Variants in TMEM131 observed in about 807,000 individuals in gnomAD.
TMEM131 encodes transmembrane protein 131.
In TMEM131, 66 loss-of-function variants were observed where a neutral mutation model predicts 211.6. The ratio of observed to expected loss-of-function variants is 0.31; its 90% confidence interval spans 0.26 to 0.38. TMEM131 has a LOEUF of 0.38. TMEM131 is among the 10% of genes least tolerant of loss of function. The probability of loss-of-function intolerance (pLI) is 1.00; values close to 1 mark genes in which losing one functional copy is unlikely to be tolerated. For missense variants in TMEM131, 2,036 were observed against 2,299.3 expected, an observed-to-expected ratio of 0.89 and a Z score of 2.34; for synonymous variants, 844 against 841.3, an observed-to-expected ratio of 1.00 and a Z score of -0.06.
chr2:97,842,170 A>G (rs1475781700), intron 6 of TMEM131, among the ~76,000 whole-genome samples: 1 of 152,208 alleles, frequency 6.6e-6, no homozygotes, highest in African/African-American at 2.4e-5. Flanking sequence ...TAGAAATTGA[A>G]TAACAGTCCT....
At chr2:97,968,256 G>A (rs183845191) in intron 1 of TMEM131, among the ~76,000 whole-genome samples, 5 of 152,166 alleles carry the variant, frequency 3.3e-5, no homozygotes, top group Admixed American at 1.3e-4. Flanking sequence ...GATAAGAACC[G>A]AGGAGTGACT....
intron 1 of TMEM131, among the ~76,000 whole-genome samples, chr2:97,932,931 T>G (rs1048369660): frequency 6.6e-6 from 1 of 152,246 alleles, no homozygotes; most frequent in African/African-American, 2.4e-5. Context: ...TGATGGTGGC[T>G]CCATAAGATT....
At chr2:97,772,889 C>T (rs1370913464) in intron 32 of TMEM131, among the ~76,000 whole-genome samples, 2 of 152,128 alleles carry the variant, frequency 1.3e-5, no homozygotes, top group Admixed American at 6.6e-5. Flanking sequence ...GAGCGAGACG[C>T]CATCTCAAAA....
chr2:97,889,721 C>A (rs1196872912), intron 3 of TMEM131, among the ~76,000 whole-genome samples: 3 of 151,904 alleles, frequency 2.0e-5, no homozygotes, highest in Non-Finnish European at 4.4e-5. Context: ...CTGCAAATTA[C>A]AAATGGAAAT....
intron 5 of TMEM131, among the ~76,000 whole-genome samples, chr2:97,852,342 G>T (rs1673658719): frequency 6.6e-6 from 1 of 152,024 alleles, no homozygotes; most frequent in African/African-American, 2.4e-5. Context: ...ATTTTTAGTA[G>T]AGATGGGGTT....
chr2:97,766,661 G>A (rs1191566487), intron 33 of TMEM131, 59 bp from the exon 34 acceptor site: 2 of 1,586,992 alleles, frequency 1.3e-6, no homozygotes, highest in East Asian at 2.3e-5. Flanking sequence ...GAGGACAGAA[G>A]TCATTAAGAT....
rs1022122688 is a variant in TMEM131 at position 97,844,235 on chromosome 2, T to G, written c.510A>C (p.Ser170=). 1.5e-6 allele frequency: 2 copies of G among 1,326,406 alleles called. No individual in the cohort carries two copies. Among genetic ancestry groups the G allele is most frequent in the African/African-American group, 3.0e-5 (2 of 66,402 alleles). 82.2% of individuals were successfully genotyped at this position (1,326,406 alleles called of 1,614,324 possible). The change falls in exon 6 of 41, where the codon TCA becomes TCC. Residue 170 remains serine, a synonymous_variant. Coordinates refer to ENST00000186436, the MANE Select transcript of TMEM131 (RefSeq NM_015348.2). ...NRKILPGGNT[S]FDVVFLARVV... is the part of the protein sequence containing the mutation. ...CTCTTGCAAGAAAAACTACATCAAA[T>G]GATGTATTTCCTCCTGGAAGAATTT...
intron 3 of TMEM131, among the ~76,000 whole-genome samples, chr2:97,897,726 C>T (rs545907724): frequency 6.6e-6 from 1 of 152,188 alleles, no homozygotes; most frequent in East Asian, 1.9e-4. Context: ...GCAATAATCA[C>T]CTCATAAAAC....
intron 36 of TMEM131, 71 bp from the exon 37 acceptor site, chr2:97,760,985 G>A: frequency 6.3e-7 from 1 of 1,584,292 alleles, no homozygotes; most frequent in Admixed American, 1.7e-5. Flanking sequence ...TGTGGGGCTG[G>A]CAGGACTGAG....
chr2:97,915,196 T>A (rs1270522459), intron 2 of TMEM131, among the ~76,000 whole-genome samples: 2 of 152,258 alleles, frequency 1.3e-5, no homozygotes, highest in Non-Finnish European at 2.9e-5. Context: ...TTTATACTAT[T>A]GAGTTTCGAG....
At chr2:97,994,549 G>C (rs1484608410) in intron 1 of TMEM131, among the ~76,000 whole-genome samples, 1 of 151,962 alleles carries the variant, frequency 6.6e-6, no homozygotes, top group Admixed American at 6.6e-5. Context: ...TTGTTTTCTT[G>C]TACAGGCAGT....
chr2:97,955,672 A>G (rs1200904560), intron 1 of TMEM131, among the ~76,000 whole-genome samples: 1 of 152,190 alleles, frequency 6.6e-6, no homozygotes, highest in Non-Finnish European at 1.5e-5. Flanking sequence ...GGAAACCAAA[A>G]AGTTAAAAAC....
At chr2:97,827,216 G>A in intron 11 of TMEM131, 2 of 731,078 alleles carry the variant, frequency 2.7e-6, no homozygotes. Flanking sequence ...GCGGCCCGCA[G>A]GCACCTGGCA....
At chr2:97,766,640 C>G (rs1679182063) in intron 33 of TMEM131, 38 bp from the exon 34 acceptor site, 1 of 1,608,786 alleles carries the variant, frequency 6.2e-7, no homozygotes. Flanking sequence ...CAAATTTATT[C>G]CTCTGTTTTG....
At position 97,764,091 on chromosome 2, in the gene TMEM131, G is replaced by C. The variant is rs1249407071; in HGVS notation, c.4724-1891C>G. On this transcript the variant is annotated intron_variant, in intron 35 of 40. Coordinates refer to ENST00000186436, the MANE Select transcript of TMEM131 (RefSeq NM_015348.2). ...TTTTCTCTGCAACTCATGTGGTACA[G>C]ATGGTATAGGGCACCATGCTAAGGG... The C allele has an allele frequency of 1.3e-5, 2 of 152,244 alleles. 1 individual carries two copies. Among genetic ancestry groups the C allele is most frequent in the Middle Eastern group, 6.3e-3 (2 of 316 alleles). The allele number at this position is 152,244 out of a possible 1,614,324, so 9.4% of individuals were successfully genotyped here.
At chr2:97,916,940 C>G (rs1676532437) in intron 2 of TMEM131, among the ~76,000 whole-genome samples, 1 of 152,136 alleles carries the variant, frequency 6.6e-6, no homozygotes, top group African/African-American at 2.4e-5. Flanking sequence ...TATTTTTTCA[C>G]ATTTTTCAAA....
chr2:97,868,289 C>T (rs535785619), intron 4 of TMEM131, among the ~76,000 whole-genome samples: 36 of 152,064 alleles, frequency 2.4e-4, no homozygotes, highest in Middle Eastern at 6.8e-3. Flanking sequence ...TTATTTTTAA[C>T]TTGTCTATGT....
intron 1 of TMEM131, among the ~76,000 whole-genome samples, chr2:97,964,775 AG>A (rs977501803): frequency 6.6e-6 from 1 of 152,256 alleles, no homozygotes; most frequent in Non-Finnish European, 1.5e-5. Flanking sequence ...AATCCTGGGA[AG>A]GAAGATACTA....
At chr2:97,898,851 T>G (rs531873377) in intron 3 of TMEM131, among the ~76,000 whole-genome samples, 29 of 152,272 alleles carry the variant, frequency 1.9e-4, no homozygotes, top group African/African-American at 7.0e-4. Flanking sequence ...TATCTGGATT[T>G]TCATTGTTAC....
Sources: allele counts gnomAD v4.1 joint callset (sites outside exome capture counted in the v4.1 genomes callset), GRCh38; gene constraint gnomAD v4.1.1; transcripts MANE v1.5; gene names NCBI Gene and HGNC (gene_info 2026-07-23, HGNC 2026-07-21).